ZNF461: variants seen among roughly 807,000 people sequenced by gnomAD.
ZNF461 encodes the protein zinc finger protein 461, also known as gonadotropin-inducible ovarian transcription factor-1.
A neutral mutation model predicts 18.3 loss-of-function variants in ZNF461; 16 were observed. The ratio of observed to expected loss-of-function variants is 0.88; its 90% CI spans 0.59 to 1.33. The LOEUF (loss-of-function observed/expected upper bound fraction) is 1.33, where lower values mean the gene tolerates loss of function less well. ZNF461 is among the 40% of genes most tolerant of loss of function. The probability of loss-of-function intolerance (pLI) is 0.00; values close to 1 mark genes in which losing one functional copy is unlikely to be tolerated. For synonymous variants in ZNF461, 179 were observed against 216.9 expected, an observed-to-expected ratio of 0.83 and a Z score of 1.54; for missense variants, 595 against 669.9, an observed-to-expected ratio of 0.89 and a Z score of 1.23.
rs527934998 is a variant in ZNF461 at position 36,655,472 on chromosome 19, G to C, written c.232+976C>G. Among the ~76,000 whole-genome samples the C allele has an allele frequency of 2.7e-4, 41 of 152,280 alleles. 1 individual carries two copies. In the South Asian group the frequency reaches 8.3e-3, roughly 31 times the overall value. On this transcript the variant is annotated intron_variant, in intron 4 of 5. Transcript: ENST00000588268. ...AAATTAGCCATGCATGGTGGCATGGGCCTGTAGTTCCAGCTACTCAGGAAA... is the reference window on the plus strand; with the variant it reads ...AAATTAGCCATGCATGGTGGCATGGCCCTGTAGTTCCAGCTACTCAGGAAA...
intron 4 of ZNF461, 113 bp downstream of exon 4, chr19:36,656,335 A>G (rs1600438315): frequency 2.4e-6 from 2 of 847,444 alleles, no homozygotes; most frequent in Non-Finnish European, 4.0e-6. Context: ...TATCTTTGTA[A>G]TATGTTTTGA....
rs2037357217 is a variant in ZNF461, at chr19:36,639,039, T to G, written c.1306A>C (p.Thr436Pro). 6.2e-7 allele frequency: 1 copy of G among 1,613,882 alleles called. No individual in the cohort carries two copies. The highest frequency in any genetic ancestry group is 1.7e-5 in the Admixed American group (1 of 59,982). Residue 436 changes from threonine to proline, a missense_variant, in exon 6 of 6, where the codon ACT becomes CCT. Thr to Pro is a conservative substitution (Grantham distance 38). Transcript: ENST00000588268. ...TTACACTCATAGGGTTTCTCACCAG[T>G]ATGAATCCTCTGATGTAGGGTTAGT... ...LQLTLHQRIH[T>P]GEKPYECKEC... is the part of the protein sequence containing the mutation.
At position 36,639,781 on chromosome 19, in the gene ZNF461, T is replaced by A; in HGVS notation, c.564A>T (p.Arg188Ser). 1 of 1,613,756 alleles carries A rather than the reference T, an allele frequency of 6.2e-7. No individual in the cohort carries two copies. Among genetic ancestry groups the A allele is most frequent in the South Asian group, 1.1e-5 (1 of 91,064 alleles). Reference protein sequence around the residue: ...HTLLTQEFYDREKISECKKCR... With the variant: ...HTLLTQEFYDSEKISECKKCR... ...ACTTTTTACATTCAGAGATTTTCTC[T>A]CTATCATAAAATTCTTGAGTGAGTA... is the stretch of plus-strand genomic sequence containing the variant. The change falls in exon 6 of 6, where the codon AGA (arginine) becomes AGT (serine). Residue 188 changes from arginine (R) to serine (S), a missense_variant. Coordinates refer to ENST00000588268, the MANE Select transcript of ZNF461 (RefSeq NM_153257.5).
chr19:36,658,102 G>A (rs982666370), intron 3 of ZNF461, 197 bp downstream of exon 3: 30 of 568,700 alleles, frequency 5.3e-5, no homozygotes, highest in Middle Eastern at 4.7e-4. Flanking sequence ...CCAAAAGAAC[G>A]TGTAAGGATG....
chr19:36,662,325 G>A (rs1408849599), intron 2 of ZNF461, among the ~76,000 whole-genome samples: 2 of 151,764 alleles, frequency 1.3e-5, no homozygotes, highest in Admixed American at 6.6e-5. Flanking sequence ...GCAGGATCTC[G>A]GCTCACTGCA....
Position 36,638,810 on chromosome 19 carries a change from A to G in ZNF461, c.1535T>C (p.Phe512Ser), listed in dbSNP as rs1176548440. Residue 512 changes from phenylalanine to serine, a missense_variant, in exon 6 of 6, where the codon TTC (phenylalanine) becomes TCC (serine). By Grantham distance (155) the Phe-to-Ser change is radical (BLOSUM62 -2). Transcript: ENST00000588268. ...AGAATGAATTCTCTGATGGTGTGAG[A>G]AGCTTGAATGATAGCTAAAGGCCTT... ...CGKAFSYHSSFSHHQRIHSGK... is the reference protein window; with the variant it reads ...CGKAFSYHSSSSHHQRIHSGK... 2 of 1,614,162 alleles carry G rather than the reference A, an allele frequency of 1.2e-6. No homozygotes were observed. Among genetic ancestry groups the G allele is most frequent in the East Asian group, 2.2e-5 (1 of 44,856 alleles).
At chr19:36,658,495 T>C in intron 2 of ZNF461, 70 bp from the exon 3 acceptor site, 2 of 1,451,574 alleles carry the variant, frequency 1.4e-6, no homozygotes, top group Non-Finnish European at 1.9e-6. Context: ...AGAGAAGTGC[T>C]AAAAGAAGGT....
At chr19:36,657,790 A>AATAG (rs1469320919) in intron 3 of ZNF461, 2 of 152,342 alleles carry the variant, frequency 1.3e-5, no homozygotes, top group African/African-American at 4.8e-5. Flanking sequence ...AAAATAAATA[A>AATAG]ATAAATAAAA....
At chr19:36,650,652 T>C (rs2145390246) in intron 4 of ZNF461, among the ~76,000 whole-genome samples, 1 of 152,180 alleles carries the variant, frequency 6.6e-6, no homozygotes, top group South Asian at 2.1e-4. Context: ...ATCAATTATC[T>C]TTCATGAACT....
At chr19:36,648,783 G>A (rs1302061919) in intron 4 of ZNF461, among the ~76,000 whole-genome samples, 2 of 152,166 alleles carry the variant, frequency 1.3e-5, no homozygotes, top group African/African-American at 4.8e-5. Flanking sequence ...GTTTCGCCAT[G>A]TTGGCCAGGC....
At position 36,656,452 on chromosome 19, in the gene ZNF461, G is replaced by T; in HGVS notation, c.228C>A (p.Cys76Ter). 1 of 1,613,746 alleles carries T rather than the reference G, an allele frequency of 6.2e-7. No homozygotes were observed. The highest frequency in any genetic ancestry group is 1.1e-5 in the South Asian group (1 of 91,080). Residue 76 changes from cysteine (C) to a stop codon, truncating the protein, a stop_gained, in exon 4 of 6, where the codon TGC (cysteine) becomes TGA (stop). Transcript: ENST00000588268. LOFTEE classifies it high-confidence loss of function. ...MVVREETGRW[C>*]PGTWKTWGFH... ...TTCCTGTGCTTGCTCACTCACCTGG[G>T]CACCATCTTCCTGTCTCTTCCCTCA... is the stretch of plus-strand genomic sequence containing the variant.
rs2037333543 is a variant in ZNF461 at position 36,638,183 on chromosome 19, T to C, written c.*470A>G. 1 of 174,218 alleles carries C rather than the reference T, an allele frequency of 5.7e-6. No homozygotes were observed. The highest frequency in any genetic ancestry group is 1.3e-4 in the South Asian group (1 of 7,744). 10.8% of individuals were successfully genotyped at this position (174,218 alleles called of 1,614,324 possible). A position where few individuals can be genotyped will look rare whatever the true frequency, so the allele number is the denominator to read the frequency against. On this transcript the variant is annotated 3_prime_UTR_variant, in exon 6 of 6. Coordinates refer to ENST00000588268, the MANE Select transcript of ZNF461 (RefSeq NM_153257.5). ...TGGGTTACATCTTTACGTACTGACC[T>C]GGAAAAGTATTCATGATTATTATGA...
In ZNF461 at chr19:36,639,005, C is replaced by G; in HGVS notation, c.1340G>C (p.Gly447Ala). The part of the protein sequence containing the change: ...GEKPYECKEC[G>A]KTFRQCSHLK... Reference sequence around the variant, plus strand: ...GTGTGAACACTGTCTAAAAGTCTTCCCACATTCCTTACACTCATAGGGTTT... The same window carrying G: ...GTGTGAACACTGTCTAAAAGTCTTCGCACATTCCTTACACTCATAGGGTTT... The change falls in exon 6 of 6, where the codon GGG (glycine) becomes GCG (alanine). Residue 447 changes from glycine to alanine, a missense_variant. Physicochemically the swap from Gly to Ala is moderately conservative, Grantham distance 60. Transcript: ENST00000588268. The G allele has an allele frequency of 1.2e-6, 2 of 1,613,996 alleles. No individual in the cohort carries two copies. The highest frequency in any genetic ancestry group is 1.7e-6 in the Non-Finnish European group (2 of 1,179,980).
At chr19:36,649,134 C>G (rs556318060) in intron 4 of ZNF461, among the ~76,000 whole-genome samples, 2 of 152,104 alleles carry the variant, frequency 1.3e-5, no homozygotes, top group African/African-American at 4.8e-5. Flanking sequence ...ACGAAAATAT[C>G]CAAGGTACAA....
At chr19:36,664,265 A>G (rs919638107) in intron 2 of ZNF461, among the ~76,000 whole-genome samples, 1 of 152,164 alleles carries the variant, frequency 6.6e-6, no homozygotes, top group East Asian at 1.9e-4. Flanking sequence ...AAGTTATTGT[A>G]TAATTCCCAG....
chr19:36,662,523 G>A (rs1159971431), intron 2 of ZNF461, among the ~76,000 whole-genome samples: 1 of 152,122 alleles, frequency 6.6e-6, no homozygotes, highest in Non-Finnish European at 1.5e-5. Flanking sequence ...CCAAAGTGCT[G>A]GGATTACAGG....
intron 5 of ZNF461, among the ~76,000 whole-genome samples, chr19:36,641,474 T>C (rs2037421807): frequency 6.6e-6 from 1 of 151,488 alleles, no homozygotes; most frequent in South Asian, 2.1e-4. Flanking sequence ...GCCAAGATCA[T>C]GCCACTGCAC....
rs542511915 is a variant in ZNF461, at chr19:36,643,607, T to C, written c.301+187A>G. On this transcript the variant is annotated intron_variant, in intron 5 of 5. Transcript: ENST00000588268. Reference sequence around the variant, plus strand: ...TCTTACCACTGGACAGGAGAGATTCTGAGAGACTACTAGAAGTGTGATAAC... The same window carrying C: ...TCTTACCACTGGACAGGAGAGATTCCGAGAGACTACTAGAAGTGTGATAAC... The C allele has an allele frequency of 1.6e-5, 7 of 424,634 alleles. No homozygotes were observed. The South Asian group carries it at 3.6e-4, about 22-fold the overall frequency. The allele number at this position is 424,634 out of a possible 1,614,324, so 26.3% of individuals were successfully genotyped here.
chr19:36,643,870 G>A lies in ZNF461; in HGVS notation c.233-8C>T. 6.7e-7 allele frequency: 1 copy of A among 1,483,652 alleles called. No homozygotes were observed. The highest frequency in any genetic ancestry group is 9.1e-7 in the Non-Finnish European group (1 of 1,102,090). The allele number at this position is 1,483,652 out of a possible 1,614,324, so 91.9% of individuals were successfully genotyped here. On this transcript the variant is annotated splice_region_variant and splice_polypyrimidine_tract_variant and intron_variant, in intron 4 of 5. Coordinates refer to ENST00000588268, the MANE Select transcript of ZNF461 (RefSeq NM_153257.5). ...CCCAAGTTTTCCATGTACCTACATGGAAACAAAAGAATAAATACTTCATTT... is the reference window on the plus strand; with the variant it reads ...CCCAAGTTTTCCATGTACCTACATGAAAACAAAAGAATAAATACTTCATTT...
Sources: gnomAD v4.1 joint callset for allele counts (sites outside exome capture counted in the v4.1 genomes callset) on GRCh38, gnomAD v4.1.1 for gene constraint, MANE v1.5 for transcripts, NCBI Gene and HGNC (gene_info 2026-07-23, HGNC 2026-07-21) for gene names.